KCNJ3: variants seen among roughly 807,000 people sequenced by gnomAD.
KCNJ3 encodes the protein potassium inwardly rectifying channel subfamily J member 3.
In KCNJ3, 4 loss-of-function variants were observed where a neutral mutation model predicts 39.2. The observed-to-expected ratio is 0.10, with a 90% CI of 0.05 to 0.23. KCNJ3 has a LOEUF of 0.23. KCNJ3 is among the 10% of genes least tolerant of loss of function. KCNJ3 has a pLI of 1.00. For synonymous variants in KCNJ3, 230 were observed against 237.4 expected (o/e 0.97, Z 0.29); for missense variants, 276 against 634.9 (o/e 0.43, Z 6.08).
intron 2 of KCNJ3, among the ~76,000 whole-genome samples, chr2:154,792,829 T>C (rs1686658404): frequency 1.3e-5 from 2 of 152,144 alleles, no homozygotes; most frequent in Admixed American, 6.6e-5. Flanking sequence ...TCAACCATAC[T>C]TCAATCCACT....
intron 2 of KCNJ3, among the ~76,000 whole-genome samples, chr2:154,847,744 C>T (rs1375956119): frequency 6.6e-6 from 1 of 152,126 alleles, no homozygotes; most frequent in Non-Finnish European, 1.5e-5. Context: ...CTTTTAAAAT[C>T]AGCAGGGTGG....
In KCNJ3 at chr2:154,710,445, T is replaced by C. The variant is rs888492255; in HGVS notation, c.919+626T>C. ...CTATATGTTTCTCCTTAACATCCAA[T>C]ATAACTTGGTATGCCCCAAATACTA... On this transcript the variant is annotated intron_variant, in intron 2 of 2. Transcript: ENST00000295101. 4.6e-5 allele frequency among the ~76,000 whole-genome samples: 7 copies of C among 152,316 alleles called. No individual in the cohort carries two copies. The East Asian group carries it at 7.7e-4, about 17-fold the overall frequency.
chr2:154,776,255 G>A (rs1686332879), intron 2 of KCNJ3, among the ~76,000 whole-genome samples: 1 of 152,050 alleles, frequency 6.6e-6, no homozygotes, highest in Non-Finnish European at 1.5e-5. Flanking sequence ...GCCTTCCTTG[G>A]CCTCCCAAAG....
At chr2:154,828,521 G>T (rs561378918) in intron 2 of KCNJ3, among the ~76,000 whole-genome samples, 3 of 152,306 alleles carry the variant, frequency 2.0e-5, no homozygotes, top group Admixed American at 2.0e-4. Flanking sequence ...CTGGTCAAGA[G>T]ATTTGAAATA....
intron 2 of KCNJ3, among the ~76,000 whole-genome samples, chr2:154,831,896 A>T (rs2105120152): frequency 6.6e-6 from 1 of 152,296 alleles, no homozygotes; most frequent in African/African-American, 2.4e-5. Flanking sequence ...ATGGTTCTGC[A>T]GGTTGTACAA....
At chr2:154,767,864 T>A (rs1686162530) in intron 2 of KCNJ3, among the ~76,000 whole-genome samples, 1 of 152,232 alleles carries the variant, frequency 6.6e-6, no homozygotes, top group South Asian at 2.1e-4. Context: ...TCCTGACTTT[T>A]TAATGATTGC....
rs1685598905 is a variant in KCNJ3 at position 154,739,132 on chromosome 2, T to C, written c.919+29313T>C. ...GGTGGGTAGATCCTCAGGTGCTGTT[T>C]TTATACTTTTTAGTATAAGGGAGTT... On this transcript the variant is annotated intron_variant, in intron 2 of 2. Coordinates refer to ENST00000295101, the MANE Select transcript of KCNJ3 (RefSeq NM_002239.4). Among the ~76,000 whole-genome samples the C allele has an allele frequency of 2.0e-5, 3 of 152,122 alleles. No homozygotes were observed. In the South Asian group the frequency reaches 6.2e-4, roughly 31 times the overall value.
At chr2:154,752,005 A>G (rs562858309) in intron 2 of KCNJ3, among the ~76,000 whole-genome samples, 29 of 152,212 alleles carry the variant, frequency 1.9e-4, no homozygotes, top group Non-Finnish European at 3.8e-4. Context: ...GAGTTTTAAC[A>G]CATGAATTTT....
At chr2:154,792,028 C>A (rs552261117) in intron 2 of KCNJ3, among the ~76,000 whole-genome samples, 1 of 151,970 alleles carries the variant, frequency 6.6e-6, no homozygotes, top group Non-Finnish European at 1.5e-5. Flanking sequence ...ATCCTGTACA[C>A]GTGGCTTCCC....
chr2:154,768,643 T>A (rs1347982552), intron 2 of KCNJ3, among the ~76,000 whole-genome samples: 1 of 152,248 alleles, frequency 6.6e-6, no homozygotes, highest in Non-Finnish European at 1.5e-5. Context: ...TGTGCTCTTT[T>A]GGCTTAGGAT....
At chr2:154,722,767 A>C (rs1295762843) in intron 2 of KCNJ3, among the ~76,000 whole-genome samples, 1 of 152,168 alleles carries the variant, frequency 6.6e-6, no homozygotes, top group African/African-American at 2.4e-5. Context: ...GGGTAGAACA[A>C]TTAGGGTATT....
intron 2 of KCNJ3, among the ~76,000 whole-genome samples, chr2:154,817,140 A>C (rs1327536877): frequency 1.3e-5 from 2 of 152,168 alleles, no homozygotes; most frequent in Non-Finnish European, 1.5e-5. Context: ...CCCTGATAAT[A>C]AGAACCTATG....
At chr2:154,819,401 T>A (rs2105108654) in intron 2 of KCNJ3, among the ~76,000 whole-genome samples, 1 of 152,254 alleles carries the variant, frequency 6.6e-6, no homozygotes, top group Admixed American at 6.5e-5. Context: ...AATGCTTAAT[T>A]TTCTTTTTTC....
Position 154,734,881 on chromosome 2 carries a change from G to A in KCNJ3, c.919+25062G>A, listed in dbSNP as rs77641022. Among the ~76,000 whole-genome samples, 5 of 152,342 alleles carry A rather than the reference G, an allele frequency of 3.3e-5. No individual in the cohort carries two copies. In the East Asian group the frequency reaches 9.6e-4, roughly 29 times the overall value. On this transcript the variant is annotated intron_variant, in intron 2 of 2. Coordinates refer to ENST00000295101, the MANE Select transcript of KCNJ3 (RefSeq NM_002239.4). The stretch of plus-strand genomic sequence containing the variant: ...AAGTTACCTGAACGGCTGAGATGTT[G>A]TCAGAGTATTTAAGAATGAGGACTC...
chr2:154,825,279 T>A (rs535465482), intron 2 of KCNJ3, among the ~76,000 whole-genome samples: 1 of 152,266 alleles, frequency 6.6e-6, no homozygotes, highest in African/African-American at 2.4e-5. Flanking sequence ...CTTCCAAAAG[T>A]GCCTGTGATG....
intron 2 of KCNJ3, among the ~76,000 whole-genome samples, chr2:154,848,914 C>A (rs1687708804): frequency 1.3e-5 from 2 of 152,132 alleles, no homozygotes; most frequent in African/African-American, 4.8e-5. Flanking sequence ...AATCTGGTCC[C>A]CTTGACCACA....
At chr2:154,772,138 G>A (rs539490179) in intron 2 of KCNJ3, among the ~76,000 whole-genome samples, 25 of 152,280 alleles carry the variant, frequency 1.6e-4, no homozygotes, top group African/African-American at 6.0e-4. Context: ...CTTGAGTGAA[G>A]CCGTAAAACA....
chr2:154,707,453 C>T lies in KCNJ3; in HGVS notation c.703-2150C>T, dbSNP rs73019269. On this transcript the variant is annotated intron_variant, in intron 1 of 2. Coordinates refer to ENST00000295101, the MANE Select transcript of KCNJ3 (RefSeq NM_002239.4). The stretch of plus-strand genomic sequence containing the variant: ...CCTGATAGCCTGCCTGTTTCTAGGC[C>T]ACTTATATCCATGGGTTATTAAATG... Among the ~76,000 whole-genome samples the T allele has an allele frequency of 9.4e-3, 1,424 of 152,022 alleles. 17 individuals carry two copies. Among genetic ancestry groups the T allele is most frequent in the African/African-American group, 0.033 (1,350 of 41,474 alleles).
At position 154,699,736 on chromosome 2, in the gene KCNJ3, G is replaced by T; in HGVS notation, c.702+259G>T. 1.1e-5 allele frequency: 2 copies of T among 175,282 alleles called. No individual in the cohort carries two copies. The highest frequency in any genetic ancestry group is 3.0e-3 in the Middle Eastern group (1 of 338). The allele number at this position is 175,282 out of a possible 1,614,324, so 10.9% of individuals were successfully genotyped here. ...GTATCACTTACTGGACTAGTAACAC[G>T]TGAGGACTGCTGTTGGCTCCTGGAG... On this transcript the variant is annotated intron_variant, in intron 1 of 2. Coordinates refer to ENST00000295101, the MANE Select transcript of KCNJ3 (RefSeq NM_002239.4). This position sits in a 1 kb window ranked among gnomAD's most constrained non-coding sequence, Gnocchi z 6.4.
Sources: allele counts gnomAD v4.1 joint callset (sites outside exome capture counted in the v4.1 genomes callset), GRCh38; gene constraint gnomAD v4.1.1; non-coding constraint Gnocchi (gnomAD v3.1); transcripts MANE v1.5; gene names NCBI Gene and HGNC (gene_info 2026-07-23, HGNC 2026-07-21).